Variants in ST18 observed in about 807,000 individuals in gnomAD.
ST18 encodes suppression of tumorigenicity 18 protein.
Under a neutral mutation model 110.0 loss-of-function variants are expected in ST18, and 50 were observed. That is an observed-to-expected ratio of 0.45 (90% CI 0.36 to 0.58). The LOEUF (loss-of-function observed/expected upper bound fraction) is 0.58. ST18 is among the 20% of genes least tolerant of loss of function. ST18 has a pLI of 0.00. For missense variants in ST18, 1,306 were observed against 1,280.1 expected, an observed-to-expected ratio of 1.02 and a Z score of -0.31; for synonymous variants, 461 against 452.4, an observed-to-expected ratio of 1.02 and a Z score of -0.24.
intron 2 of ST18, among the ~76,000 whole-genome samples, chr8:52,377,227 T>C (rs952929246): frequency 9.9e-5 from 15 of 152,220 alleles, no homozygotes; most frequent in African/African-American, 3.6e-4. Flanking sequence ...ATGCTGGCCA[T>C]ACCCATTCAA....
chr8:52,129,872 C>A (rs979218370), intron 22 of ST18, among the ~76,000 whole-genome samples: 3 of 151,970 alleles, frequency 2.0e-5, no homozygotes, highest in African/African-American at 7.3e-5. Context: ...TGGCAAAACC[C>A]TGTCTCTACT....
At chr8:52,325,795 C>T (rs909384247) in intron 2 of ST18, among the ~76,000 whole-genome samples, 14 of 152,298 alleles carry the variant, frequency 9.2e-5, no homozygotes, top group Admixed American at 2.6e-4. Flanking sequence ...TATTACCCAT[C>T]CTCACTTAGG....
chr8:52,230,851 T>C (rs146238427), intron 2 of ST18, among the ~76,000 whole-genome samples: 35 of 152,218 alleles, frequency 2.3e-4, no homozygotes, highest in Middle Eastern at 3.4e-3. Context: ...ACAGAAAGCT[T>C]TGTCTCACTG....
chr8:52,373,378 G>T (rs1008234153), intron 2 of ST18, among the ~76,000 whole-genome samples: 7 of 152,074 alleles, frequency 4.6e-5, no homozygotes, highest in African/African-American at 1.7e-4. Context: ...GTTAGCTCCT[G>T]CTTTCTATTG....
At position 52,268,558 on chromosome 8, in the gene ST18, CTATCATCT is replaced by C. The variant is rs1331406990; in HGVS notation, c.-464-38489_-464-38482del. Among the ~76,000 whole-genome samples the C allele has an allele frequency of 2.0e-5, 3 of 152,086 alleles. No individual in the cohort carries two copies. The East Asian group carries it at 5.8e-4, about 29-fold the overall frequency. ...ATCATCTATCTATCTATTTATCTAT[CTATCATCT>C]ATCTATCTCTATCTACCAATATATT... On this transcript the variant is annotated intron_variant, in intron 2 of 25. Transcript: ENST00000689386.
At chr8:52,114,419 A>G (rs991650576) in intron 25 of ST18, among the ~76,000 whole-genome samples, 1 of 152,058 alleles carries the variant, frequency 6.6e-6, no homozygotes, top group East Asian at 1.9e-4. Flanking sequence ...TGTTGCCACC[A>G]TTTTCCCTCC....
At chr8:52,143,973 C>G (rs1290361214) in intron 16 of ST18, among the ~76,000 whole-genome samples, 1 of 152,096 alleles carries the variant, frequency 6.6e-6, no homozygotes, top group African/African-American at 2.4e-5. Flanking sequence ...GAAATTACTT[C>G]TTTTGCTAAA....
At chr8:52,131,850 T>C (rs1415246927) in intron 22 of ST18, 108 bp downstream of exon 22, 3 of 930,724 alleles carry the variant, frequency 3.2e-6, no homozygotes, top group Middle Eastern at 2.4e-4. Context: ...ACATCTCAAC[T>C]GCTACAGTGA....
intron 19 of ST18, among the ~76,000 whole-genome samples, chr8:52,133,710 AATTATTATTATTATT>A (rs10547451): frequency 6.8e-6 from 1 of 147,964 alleles, no homozygotes; most frequent in African/African-American, 2.5e-5. Flanking sequence ...AAGTTTTCCA[AATTATTATTATTATT>A]ATTATTATTA....
Position 52,172,086 on chromosome 8 carries a change from G to T in ST18, c.775C>A (p.Pro259Thr). The T allele has an allele frequency of 6.2e-7, 1 of 1,614,244 alleles. No individual in the cohort carries two copies. The highest frequency in any genetic ancestry group is 8.5e-7 in the Non-Finnish European group (1 of 1,180,040). Residue 259 changes from proline (P) to threonine (T), a missense_variant, in exon 10 of 26, where the codon CCG (proline) becomes ACG (threonine). Physicochemically the swap from Pro to Thr is conservative, Grantham distance 38. Transcript: ENST00000689386. The part of the protein sequence containing the change: ...RCDSETERKD[P>T]QNALAEPLDG... The stretch of plus-strand genomic sequence containing the variant: ...AGGGGTTCTGCGAGAGCATTCTGCG[G>T]GTCTTTCCTTTCTGTTTCAGAATCA...
chr8:52,152,736 A>G (rs2059131093), intron 15 of ST18, among the ~76,000 whole-genome samples: 1 of 152,246 alleles, frequency 6.6e-6, no homozygotes, highest in South Asian at 2.1e-4. Flanking sequence ...AATTTAATGT[A>G]AATTATAATT....
At position 52,166,905 on chromosome 8, in the gene ST18, G is replaced by A. The variant is rs1398012258; in HGVS notation, c.1151C>T (p.Pro384Leu). The A allele has an allele frequency of 7.4e-6, 12 of 1,611,506 alleles. No homozygotes were observed. Among genetic ancestry groups the A allele is most frequent in the Non-Finnish European group, 8.5e-6 (10 of 1,178,104 alleles). The change falls in exon 11 of 26, where the codon CCG becomes CTG. Residue 384 changes from proline (P) to leucine (L), a missense_variant. Coordinates refer to ENST00000689386, the MANE Select transcript of ST18 (RefSeq NM_001352837.2). ...GCACCCCGAAAGGCTGCGGTGGTGC[G>A]GGTAGAGCCCTGTCACGTGTCCCGT... Reference protein sequence around the residue: ...DGTGHVTGLYPHHRSLSGCPH... With the variant: ...DGTGHVTGLYLHHRSLSGCPH...
chr8:52,119,452 G>A (rs1241336351), intron 23 of ST18, among the ~76,000 whole-genome samples: 1 of 152,194 alleles, frequency 6.6e-6, no homozygotes, highest in Non-Finnish European at 1.5e-5. Flanking sequence ...GCAATTTCAT[G>A]AGAGAAGGAT....
chr8:52,119,699 T>C (rs888819242), intron 23 of ST18, among the ~76,000 whole-genome samples: 7 of 152,072 alleles, frequency 4.6e-5, no homozygotes, highest in African/African-American at 1.7e-4. Flanking sequence ...GGAAACCACA[T>C]GCCCACCAAA....
intron 24 of ST18, among the ~76,000 whole-genome samples, chr8:52,116,900 C>T (rs2042761176): frequency 6.6e-6 from 1 of 152,114 alleles, no homozygotes; most frequent in Non-Finnish European, 1.5e-5. Flanking sequence ...ACTGTGCTAC[C>T]TTCTCGTGGG....
chr8:52,234,200 G>A (rs1050526743), intron 2 of ST18, among the ~76,000 whole-genome samples: 1 of 152,176 alleles, frequency 6.6e-6, no homozygotes, highest in Non-Finnish European at 1.5e-5. Context: ...TATACCAGGT[G>A]CTTTCAAAGT....
At chr8:52,204,619 G>A (rs1272376848) in intron 8 of ST18, among the ~76,000 whole-genome samples, 1 of 152,060 alleles carries the variant, frequency 6.6e-6, no homozygotes, top group East Asian at 1.9e-4. Flanking sequence ...ACTATGCTAG[G>A]GCACAAGAAA....
intron 25 of ST18, among the ~76,000 whole-genome samples, chr8:52,114,770 A>G (rs2041931619): frequency 6.6e-6 from 1 of 152,156 alleles, no homozygotes; most frequent in Non-Finnish European, 1.5e-5. Context: ...AAATTAAGTA[A>G]GCTCTCCGAG....
intron 2 of ST18, among the ~76,000 whole-genome samples, chr8:52,318,873 A>G (rs1290871541): frequency 6.6e-6 from 1 of 150,666 alleles, no homozygotes; most frequent in Non-Finnish European, 1.5e-5. Flanking sequence ...AAATTATGAG[A>G]ACACATGGAC....
Sources: allele counts gnomAD v4.1 joint callset (sites outside exome capture counted in the v4.1 genomes callset), GRCh38; gene constraint gnomAD v4.1.1; transcripts MANE v1.5; gene names NCBI Gene and HGNC (gene_info 2026-07-23, HGNC 2026-07-21).